C2CD5: variants seen among roughly 807,000 people sequenced by gnomAD.
C2CD5 encodes the protein C2 domain-containing protein 5.
In C2CD5, 109 loss-of-function variants were observed where a neutral mutation model predicts 130.3. That is an observed-to-expected ratio of 0.84 (90% confidence interval 0.72 to 0.98). C2CD5 has a LOEUF of 0.98. Ranked by LOEUF, C2CD5 falls within the 50% of genes least tolerant of loss-of-function variation. C2CD5 has a pLI of 0.00. For synonymous variants in C2CD5, 454 were observed against 429.2 expected, an observed-to-expected ratio of 1.06 and a Z score of -0.71; for missense variants, 996 against 1,261.8, an observed-to-expected ratio of 0.79 and a Z score of 3.19.
intron 9 of C2CD5, among the ~76,000 whole-genome samples, 186 bp downstream of exon 9, chr12:22,513,108 T>C (rs1048604389): frequency 2.6e-5 from 4 of 152,110 alleles, no homozygotes; most frequent in South Asian, 2.1e-4. Context: ...ACGTAATTAT[T>C]CCAAATCAAC....
intron 26 of C2CD5, among the ~76,000 whole-genome samples, chr12:22,451,908 CA>C (rs1245414242): frequency 6.6e-6 from 1 of 152,128 alleles, no homozygotes; most frequent in Non-Finnish European, 1.5e-5. Context: ...ACAACTTTTA[CA>C]GTGCTTACAA....
At chr12:22,515,152 T>TGTG in intron 8 of C2CD5, 1 of 984,122 alleles carries the variant, frequency 1.0e-6, no homozygotes, top group Non-Finnish European at 1.2e-6. Context: ...GGTAAGGTGC[T>TGTG]GTGGAGGAAA....
chr12:22,512,588 T>A, intron 9 of C2CD5: 2 of 1,174,976 alleles, frequency 1.7e-6, no homozygotes, highest in Non-Finnish European at 2.3e-6. Context: ...TGACCAAGAT[T>A]AAAACTAGAA....
At chr12:22,501,474 A>G (rs561919998) in intron 10 of C2CD5, among the ~76,000 whole-genome samples, 1 of 152,094 alleles carries the variant, frequency 6.6e-6, no homozygotes. Context: ...TATGCTCTCA[A>G]TGTCCTTTTT....
chr12:22,537,559 T>C (rs984959625), intron 2 of C2CD5, among the ~76,000 whole-genome samples: 1 of 152,250 alleles, frequency 6.6e-6, no homozygotes, highest in East Asian at 1.9e-4. Context: ...GAATGCCTTA[T>C]AACTCTGTTA....
At chr12:22,531,991 C>A (rs1951323719) in intron 3 of C2CD5, among the ~76,000 whole-genome samples, 1 of 152,128 alleles carries the variant, frequency 6.6e-6, no homozygotes, top group African/African-American at 2.4e-5. Context: ...AATATTTAAA[C>A]CCACTTTCTG....
At chr12:22,523,317 T>C (rs568388830) in intron 7 of C2CD5, 109 bp downstream of exon 7, 15 of 760,104 alleles carry the variant, frequency 2.0e-5, no homozygotes, top group African/African-American at 5.3e-5. Flanking sequence ...ATAAAAATCA[T>C]CACAGAGAAA....
At chr12:22,490,875 C>T (rs1946257443) in intron 11 of C2CD5, among the ~76,000 whole-genome samples, 2 of 151,950 alleles carry the variant, frequency 1.3e-5, no homozygotes, top group African/African-American at 4.8e-5. Context: ...AAGTAGCAAC[C>T]TAGGGATGAA....
chr12:22,475,715 A>G (rs1410038360), intron 15 of C2CD5, among the ~76,000 whole-genome samples: 3 of 152,182 alleles, frequency 2.0e-5, no homozygotes, highest in Non-Finnish European at 4.4e-5. Flanking sequence ...ATAAAAGACT[A>G]CCACTGCACA....
chr12:22,529,746 A>G (rs1951042025), intron 3 of C2CD5, among the ~76,000 whole-genome samples: 1 of 152,162 alleles, frequency 6.6e-6, no homozygotes, highest in Non-Finnish European at 1.5e-5. Context: ...AAATCATTAC[A>G]GAGAGCTTGG....
intron 14 of C2CD5, among the ~76,000 whole-genome samples, chr12:22,481,516 T>TA (rs1944700565): frequency 6.6e-6 from 1 of 152,156 alleles, no homozygotes; most frequent in Non-Finnish European, 1.5e-5. Flanking sequence ...CTACACTACT[T>TA]ATAGAAGCAG....
chr12:22,449,785 CATG>C lies in C2CD5; in HGVS notation c.3128_3130del (p.Ser1043del). The C allele has an allele frequency of 6.2e-7, 1 of 1,606,528 alleles. No homozygotes were observed. Among genetic ancestry groups the C allele is most frequent in the Middle Eastern group, 1.7e-4 (1 of 6,024 alleles). On this transcript the variant is annotated inframe_deletion, in exon 27 of 27. Transcript: ENST00000446597. ...TCAGGTTGTAACTTCGCCTTCAGTA[CATG>C]ATGACTGGCAGTTGGTAGTAGGTTG... is the stretch of plus-strand genomic sequence containing the variant.
At chr12:22,477,954 T>C (rs1179731703) in intron 15 of C2CD5, 1 of 196,842 alleles carries the variant, frequency 5.1e-6, no homozygotes, top group East Asian at 1.3e-4. Context: ...AACAAAGCCC[T>C]CATGAAGCTT....
Position 22,480,364 on chromosome 12 carries a change from C to CGT in C2CD5, c.1738-1889_1738-1888dup, listed in dbSNP as rs1944534182. Among the ~76,000 whole-genome samples, 4 of 152,296 alleles carry CGT rather than the reference C, an allele frequency of 2.6e-5. No homozygotes were observed. The South Asian group carries it at 8.3e-4, about 32-fold the overall frequency. ...TAGAATAGCACAGTGCCAGACACCT[C>CGT]GTCGGCACTCATCAGAGATCACCTA... On this transcript the variant is annotated intron_variant, in intron 14 of 26. Coordinates refer to ENST00000446597, the MANE Select transcript of C2CD5 (RefSeq NM_001286176.2).
intron 12 of C2CD5, among the ~76,000 whole-genome samples, chr12:22,488,107 A>C (rs1424713292): frequency 1.5e-4 from 23 of 152,084 alleles, no homozygotes; most frequent in Admixed American, 1.4e-3. Flanking sequence ...TGACGAGTTA[A>C]TGGGTGCAGC....
chr12:22,490,787 A>T (rs1946240869), intron 11 of C2CD5, among the ~76,000 whole-genome samples: 1 of 152,170 alleles, frequency 6.6e-6, no homozygotes, highest in Admixed American at 6.5e-5. Flanking sequence ...TTAAATTATT[A>T]TATGTCACCC....
intron 8 of C2CD5, among the ~76,000 whole-genome samples, chr12:22,517,388 T>C (rs1361819914): frequency 2.0e-5 from 3 of 151,812 alleles, no homozygotes; most frequent in African/African-American, 7.2e-5. Context: ...ATAAAACATA[T>C]TCATAAAAAC....
intron 7 of C2CD5, chr12:22,519,388 G>A: frequency 1.8e-6 from 1 of 547,448 alleles, no homozygotes; most frequent in Non-Finnish European, 3.1e-6. Context: ...AGTTGAAATT[G>A]AAAAATAGCT....
At chr12:22,507,634 G>A (rs1369288358) in intron 9 of C2CD5, among the ~76,000 whole-genome samples, 1 of 152,194 alleles carries the variant, frequency 6.6e-6, no homozygotes, top group African/African-American at 2.4e-5. Context: ...CGGAGCTCCT[G>A]TGAAAACATG....
Sources: allele counts gnomAD v4.1 joint callset (sites outside exome capture counted in the v4.1 genomes callset), GRCh38; gene constraint gnomAD v4.1.1; transcripts MANE v1.5; gene names NCBI Gene and HGNC (gene_info 2026-07-23, HGNC 2026-07-21).